AGT: variants seen among roughly 807,000 people sequenced by gnomAD.
AGT encodes the protein alpha-1 antiproteinase, antitrypsin.
Under a neutral mutation model 28.1 loss-of-function variants are expected in AGT, and 26 were observed. The ratio of observed to expected loss-of-function variants is 0.92; its 90% CI spans 0.68 to 1.28. The LOEUF is 1.28. Ranked by LOEUF, AGT falls within the 50% of genes most tolerant of loss-of-function variation. The pLI, the probability that AGT is intolerant of heterozygous loss-of-function variation, is 0.00. For synonymous variants in AGT, 259 were observed against 259.6 expected (o/e 1.00, Z 0.02); for missense variants, 596 against 592.3 (o/e 1.01, Z -0.06).
chr1:230,713,711 C>T (rs3827750), intron 1 of AGT, among the ~76,000 whole-genome samples: 24,818 of 152,100 alleles, frequency 0.16, 2,386 homozygotes, highest in African/African-American at 0.27. Flanking sequence ...CCGAGCCCGG[C>T]CCTTCCCTCC....
rs527904153 is a variant in AGT, at chr1:230,707,592, G to A, written c.830-1392C>T. Among the ~76,000 whole-genome samples the A allele has an allele frequency of 1.6e-4, 25 of 152,306 alleles. No homozygotes were observed. The South Asian group carries it at 3.3e-3, about 20-fold the overall frequency. On this transcript the variant is annotated intron_variant, in intron 2 of 4. Coordinates refer to ENST00000366667, the MANE Select transcript of AGT (RefSeq NM_001384479.1). ...CTCAGTCCTCGGAGCACTCAGTCTC[G>A]GAAGGGCATGTGAGCGGGAAACTGC... is the stretch of plus-strand genomic sequence containing the variant.
At position 230,706,093 on chromosome 1, in the gene AGT, A is replaced by G. The variant is rs377724135; in HGVS notation, c.937T>C (p.Trp313Arg). The change falls in exon 3 of 5, where the codon TGG (tryptophan) becomes CGG (arginine). Residue 313 changes from tryptophan to arginine, a missense_variant. Transcript: ENST00000366667. Reference sequence around the variant, plus strand: ...GAGAAGTTGTCCTGGATGTCACTCCAGTGCTGGAAGGTGCCCATGCCAGAG... The same window carrying G: ...GAGAAGTTGTCCTGGATGTCACTCCGGTGCTGGAAGGTGCCCATGCCAGAG... ...MLSGMGTFQH[W>R]SDIQDNFSVT... 3 of 1,614,122 alleles carry G rather than the reference A, an allele frequency of 1.9e-6. No individual in the cohort carries two copies. The highest frequency in any genetic ancestry group is 1.6e-4 in the Middle Eastern group (1 of 6,062).
chr1:230,730,345 A>C (rs1664030722), intron 1 of AGT, among the ~76,000 whole-genome samples: 2 of 152,012 alleles, frequency 1.3e-5, no homozygotes, highest in African/African-American at 4.8e-5. Flanking sequence ...AACTGCTGGG[A>C]TTTCAGGCGT....
chr1:230,710,227 C>G lies in AGT; in HGVS notation c.597G>C (p.Val199=), dbSNP rs550873625. 5 of 1,613,694 alleles carry G rather than the reference C, an allele frequency of 3.1e-6. No homozygotes were observed. The highest frequency in any genetic ancestry group is 1.3e-5 in the African/African-American group (1 of 75,064). Reference sequence around the variant, plus strand: ...GGCCTGGGGCTGTGAACACGCCCACCACCGTGGACAGCAGCAGCTGGGCCT... The same window carrying G: ...GGCCTGGGGCTGTGAACACGCCCACGACCGTGGACAGCAGCAGCTGGGCCT... ...DSQAQLLLST[V]VGVFTAPGLH... is the part of the protein sequence containing the mutation. Residue 199 remains valine, a synonymous_variant, in exon 2 of 5, where the codon GTG becomes GTC. Coordinates refer to ENST00000366667, the MANE Select transcript of AGT (RefSeq NM_001384479.1).
At chr1:230,727,997 G>A (rs1022345721) in intron 1 of AGT, among the ~76,000 whole-genome samples, 1 of 152,168 alleles carries the variant, frequency 6.6e-6, no homozygotes, top group Non-Finnish European at 1.5e-5. Context: ...GAAGGCAGGG[G>A]TTTTTAAAAG....
At chr1:230,736,205 C>A (rs376590981) in intron 1 of AGT, among the ~76,000 whole-genome samples, 1 of 151,528 alleles carries the variant, frequency 6.6e-6, no homozygotes, top group Admixed American at 6.6e-5. Context: ...TACAATTGAC[C>A]CCTTATCATT....
At chr1:230,729,109 C>G (rs926852924) in intron 1 of AGT, among the ~76,000 whole-genome samples, 2 of 152,194 alleles carry the variant, frequency 1.3e-5, no homozygotes. Flanking sequence ...CTCCCCTGAC[C>G]CAGAAAGCCT....
At chr1:230,713,676 T>G (rs1663659005) in intron 1 of AGT, among the ~76,000 whole-genome samples, 2 of 152,114 alleles carry the variant, frequency 1.3e-5, no homozygotes, top group African/African-American at 4.8e-5. Flanking sequence ...GGGTGACCAC[T>G]CTGGGGATCC....
chr1:230,713,429 T>G (rs1663650923), intron 1 of AGT, among the ~76,000 whole-genome samples: 1 of 152,172 alleles, frequency 6.6e-6, no homozygotes, highest in Non-Finnish European at 1.5e-5. Context: ...ATCCACGAGC[T>G]GAAGCACCAA....
At chr1:230,728,663 C>T (rs1233365443) in intron 1 of AGT, among the ~76,000 whole-genome samples, 2 of 152,194 alleles carry the variant, frequency 1.3e-5, no homozygotes, top group Admixed American at 1.3e-4. Context: ...CCCTTTTAAG[C>T]TTTTGCATCT....
At chr1:230,741,793 T>G (rs1454595238) in intron 1 of AGT, among the ~76,000 whole-genome samples, 1 of 152,090 alleles carries the variant, frequency 6.6e-6, no homozygotes, top group Non-Finnish European at 1.5e-5. Flanking sequence ...TTTGCAAATG[T>G]ACAGACATCT....
At chr1:230,730,815 C>T (rs1401702524) in intron 1 of AGT, among the ~76,000 whole-genome samples, 1 of 152,106 alleles carries the variant, frequency 6.6e-6, no homozygotes, top group Non-Finnish European at 1.5e-5. Flanking sequence ...AAGAAAATAA[C>T]TTTTATCTGA....
In AGT at chr1:230,704,208, G is replaced by A; in HGVS notation, c.1227C>T (p.Arg409=). The change falls in exon 4 of 5, where the codon CGC becomes CGT. Residue 409 remains arginine (R), a synonymous_variant. Coordinates refer to ENST00000366667, the MANE Select transcript of AGT (RefSeq NM_001384479.1). ...ELNLQKLSND[R]IRVGEVLNSI... ...TCACACATACCTCCCCCACCCTGATGCGGTCATTGCTCAATTTTTGCAGGT... is the reference window on the plus strand; with the variant it reads ...TCACACATACCTCCCCCACCCTGATACGGTCATTGCTCAATTTTTGCAGGT... 3.7e-6 allele frequency: 6 copies of A among 1,614,238 alleles called. No homozygotes were observed. The highest frequency in any genetic ancestry group is 5.1e-6 in the Non-Finnish European group (6 of 1,180,050).
chr1:230,710,757 C>T lies in AGT; in HGVS notation c.67G>A (p.Ala23Thr). ...GGGTGTATGTACACCCGGTCACCTG[C>T]AGCCAGGCCAGCCCAGGCCAGGAGG... is the stretch of plus-strand genomic sequence containing the variant. The part of the protein sequence containing the change: ...LCLLAWAGLA[A>T]GDRVYIHPFH... The change falls in exon 2 of 5, where the codon GCA (alanine) becomes ACA (threonine). Residue 23 changes from alanine (A) to threonine (T), a missense_variant. Transcript: ENST00000366667. The T allele has an allele frequency of 6.2e-7, 1 of 1,614,158 alleles. No homozygotes were observed. The highest frequency in any genetic ancestry group is 8.5e-7 in the Non-Finnish European group (1 of 1,179,990).
intron 1 of AGT, among the ~76,000 whole-genome samples, chr1:230,734,908 G>T (rs61826453): frequency 2.6e-5 from 4 of 151,836 alleles, no homozygotes; most frequent in Non-Finnish European, 5.9e-5. Context: ...TAGAGACAGG[G>T]TTTCACCATG....
chr1:230,707,869 C>T (rs1397861645), intron 2 of AGT, among the ~76,000 whole-genome samples: 3 of 152,208 alleles, frequency 2.0e-5, no homozygotes, highest in Non-Finnish European at 4.4e-5. Context: ...CAAGTCAGGA[C>T]CTGGTGTCAT....
At chr1:230,732,384 A>G (rs1664084767) in intron 1 of AGT, among the ~76,000 whole-genome samples, 1 of 151,746 alleles carries the variant, frequency 6.6e-6, no homozygotes, top group South Asian at 2.1e-4. Flanking sequence ...AGGTCTCACA[A>G]CTCTCTGTGC....
intron 1 of AGT, among the ~76,000 whole-genome samples, chr1:230,731,237 C>G (rs1033502750): frequency 3.3e-5 from 5 of 152,208 alleles, no homozygotes; most frequent in African/African-American, 1.2e-4. Flanking sequence ...CGTGCTTCAG[C>G]CTGTCCCTTT....
rs77406708 is a variant in AGT, at chr1:230,736,518, C to G, written c.-31+8997G>C. 1.2e-4 allele frequency among the ~76,000 whole-genome samples: 18 copies of G among 151,716 alleles called. No homozygotes were observed. The East Asian group carries it at 3.5e-3, about 29-fold the overall frequency. The stretch of plus-strand genomic sequence containing the variant: ...TGGGTGACAGAGCGAGACTCCATCT[C>G]GAAAAAAAAGAATTATTTCGAACAC... On this transcript the variant is annotated intron_variant, in intron 1 of 4. Coordinates refer to the AGT transcript ENST00000681269.
Sources: gnomAD v4.1 joint callset for allele counts (sites outside exome capture counted in the v4.1 genomes callset) on GRCh38, gnomAD v4.1.1 for gene constraint, MANE v1.5 for transcripts, NCBI Gene and HGNC (gene_info 2026-07-23, HGNC 2026-07-21) for gene names.